GNAQ: variants seen among roughly 807,000 people sequenced by gnomAD.
GNAQ encodes the protein G protein subunit alpha q.
GNAQ carries 8 observed loss-of-function variants against 43.9 expected under a neutral mutation model. The ratio of observed to expected loss-of-function variants is 0.18; its 90% confidence interval spans 0.11 to 0.33. The LOEUF (loss-of-function observed/expected upper bound fraction) is 0.33. Ranked by LOEUF, GNAQ falls within the 10% of genes least tolerant of loss-of-function variation. GNAQ has a pLI of 1.00. For synonymous variants in GNAQ, 155 were observed against 170.7 expected (o/e 0.91, Z 0.71); for missense variants, 158 against 450.8 (o/e 0.35, Z 5.88).
chr9:77,887,771 G>A (rs1449073405), intron 2 of GNAQ, among the ~76,000 whole-genome samples: 1 of 152,124 alleles, frequency 6.6e-6, no homozygotes, highest in East Asian at 1.9e-4. Flanking sequence ...CATATCACAT[G>A]CTACATATAA....
intron 2 of GNAQ, among the ~76,000 whole-genome samples, chr9:77,823,156 G>A (rs944545233): frequency 1.3e-5 from 2 of 152,012 alleles, no homozygotes; most frequent in African/African-American, 2.4e-5. Context: ...AGCCAGGATG[G>A]TCTCAATCTC....
intron 2 of GNAQ, among the ~76,000 whole-genome samples, chr9:77,866,761 C>G (rs1283501871): frequency 6.6e-6 from 1 of 152,128 alleles, no homozygotes; most frequent in Non-Finnish European, 1.5e-5. Flanking sequence ...TGGAAATTAG[C>G]TGTTATAAAA....
chr9:77,878,720 G>A (rs1439931232), intron 2 of GNAQ, among the ~76,000 whole-genome samples: 1 of 152,046 alleles, frequency 6.6e-6, no homozygotes, highest in East Asian at 1.9e-4. Context: ...ACATTTTAAA[G>A]GTAAGATATT....
chr9:77,749,210 C>T (rs1289747660), intron 5 of GNAQ, among the ~76,000 whole-genome samples: 3 of 152,172 alleles, frequency 2.0e-5, no homozygotes, highest in Non-Finnish European at 4.4e-5. Flanking sequence ...CCCATTCTTG[C>T]TTTGGGTCTA....
At chr9:77,816,282 T>A (rs532700528) in intron 2 of GNAQ, among the ~76,000 whole-genome samples, 1 of 152,116 alleles carries the variant, frequency 6.6e-6, no homozygotes, top group Non-Finnish European at 1.5e-5. Context: ...GTAAAACCAT[T>A]AGAAGAACAA....
At chr9:77,903,883 C>T (rs1828656602) in intron 2 of GNAQ, among the ~76,000 whole-genome samples, 1 of 152,172 alleles carries the variant, frequency 6.6e-6, no homozygotes, top group Non-Finnish European at 1.5e-5. Flanking sequence ...CCTGTTTCCT[C>T]ATACCTGACA....
intron 2 of GNAQ, among the ~76,000 whole-genome samples, chr9:77,884,394 G>T (rs554542711): frequency 3.9e-5 from 6 of 152,070 alleles, no homozygotes; most frequent in Non-Finnish European, 8.8e-5. Context: ...CAGAGGAAGA[G>T]AAAATGCAAA....
At chr9:77,944,519 C>T (rs1564159219) in intron 1 of GNAQ, among the ~76,000 whole-genome samples, 1 of 152,146 alleles carries the variant, frequency 6.6e-6, no homozygotes. Flanking sequence ...ATTCAGCAAC[C>T]TCTGAGGCCC....
intron 5 of GNAQ, among the ~76,000 whole-genome samples, chr9:77,769,814 G>A (rs1317284621): frequency 1.3e-5 from 2 of 152,006 alleles, no homozygotes; most frequent in South Asian, 2.1e-4. Context: ...ACACGCGCCC[G>A]CCACAATGTC....
At chr9:77,777,724 G>A (rs1826325573) in intron 5 of GNAQ, among the ~76,000 whole-genome samples, 1 of 152,004 alleles carries the variant, frequency 6.6e-6, no homozygotes, top group African/African-American at 2.4e-5. Flanking sequence ...ATAAACACCT[G>A]AAAACCCCAT....
At chr9:77,828,495 G>C (rs1161639788) in intron 2 of GNAQ, among the ~76,000 whole-genome samples, 2 of 152,124 alleles carry the variant, frequency 1.3e-5, no homozygotes, top group African/African-American at 4.8e-5. Context: ...GCCATTCACA[G>C]TCTTCACAGC....
intron 1 of GNAQ, among the ~76,000 whole-genome samples, chr9:77,944,741 A>C (rs548677990): frequency 1.3e-5 from 2 of 152,364 alleles, no homozygotes. Context: ...TAAAATATTC[A>C]GTGAACACAA....
intron 2 of GNAQ, among the ~76,000 whole-genome samples, chr9:77,899,456 GC>G (rs1828559416): frequency 6.6e-6 from 1 of 151,710 alleles, no homozygotes; most frequent in Non-Finnish European, 1.5e-5. Context: ...TGTGTACTCT[GC>G]TTTTTACCAG....
chr9:77,726,056 A>G (rs997875270), intron 6 of GNAQ, among the ~76,000 whole-genome samples: 2 of 152,112 alleles, frequency 1.3e-5, no homozygotes, highest in African/African-American at 4.8e-5. Context: ...TTTAGATCTA[A>G]GCCAGATGTT....
chr9:77,827,124 G>GT (rs5898561), intron 2 of GNAQ, among the ~76,000 whole-genome samples: 74 of 150,888 alleles, frequency 4.9e-4, no homozygotes, highest in African/African-American at 1.6e-3. Flanking sequence ...CATAGAAAAG[G>GT]TTTTTTTTTC....
In GNAQ at chr9:77,807,961, A is replaced by C. The variant is rs146609161; in HGVS notation, c.476+7655T>G. ...GTTCCAACCAAACTTTATTTATAAA[A>C]ATAGGCAGCAGGCCAAATTTGGCCT... On this transcript the variant is annotated intron_variant, in intron 3 of 6. Coordinates refer to ENST00000286548, the MANE Select transcript of GNAQ (RefSeq NM_002072.5). 7.3e-3 allele frequency among the ~76,000 whole-genome samples: 1,113 copies of C among 152,280 alleles called. 8 individuals carry two copies. Among genetic ancestry groups the C allele is most frequent in the African/African-American group, 0.023 (969 of 41,558 alleles).
chr9:77,855,939 C>T (rs891150786), intron 2 of GNAQ, among the ~76,000 whole-genome samples: 10 of 152,116 alleles, frequency 6.6e-5, no homozygotes, highest in African/African-American at 2.4e-4. Context: ...TATAGATATA[C>T]ATAACACAAT....
intron 1 of GNAQ, among the ~76,000 whole-genome samples, chr9:78,024,536 A>G (rs1198868235): frequency 6.6e-6 from 1 of 152,132 alleles, no homozygotes; most frequent in Non-Finnish European, 1.5e-5. Flanking sequence ...AATCATCCGC[A>G]TTCCCCAGTC....
chr9:77,749,451 C>CTTTG (rs1825779440), intron 5 of GNAQ, among the ~76,000 whole-genome samples: 3 of 152,152 alleles, frequency 2.0e-5, no homozygotes, highest in Non-Finnish European at 4.4e-5. Context: ...TTCCTTTTCT[C>CTTTG]TTTGTTTAGG....
Sources: allele counts gnomAD v4.1 joint callset (sites outside exome capture counted in the v4.1 genomes callset), GRCh38; gene constraint gnomAD v4.1.1; transcripts MANE v1.5; gene names NCBI Gene and HGNC (gene_info 2026-07-23, HGNC 2026-07-21).